The following TRPM3 variants were observed in gnomAD, a reference collection of about 807,000 sequenced individuals.
The protein encoded by TRPM3 is long transient receptor potential channel 3.
TRPM3 carries 77 observed loss-of-function variants against 181.2 expected under a neutral mutation model. The ratio of observed to expected loss-of-function variants is 0.42; its 90% CI spans 0.35 to 0.51. The LOEUF is 0.51. Among genes scored for constraint, TRPM3 ranks in the 20% least tolerant of loss-of-function variants. The probability of loss-of-function intolerance (pLI) is 0.01; values close to 1 mark genes in which losing one functional copy is unlikely to be tolerated. For synonymous variants in TRPM3, 745 were observed against 796.4 expected (o/e 0.94, Z 1.09); for missense variants, 1,759 against 2,196.7 (o/e 0.80, Z 3.98).
chr9:70,682,706 C>A (rs2065780011), intron 8 of TRPM3, among the ~76,000 whole-genome samples: 1 of 152,096 alleles, frequency 6.6e-6, no homozygotes, highest in Non-Finnish European at 1.5e-5. Flanking sequence ...CCAAACAATG[C>A]TTAACAATAA....
At chr9:70,549,118 C>T (rs1035294459) in intron 25 of TRPM3, among the ~76,000 whole-genome samples, 14 of 152,140 alleles carry the variant, frequency 9.2e-5, no homozygotes, top group African/African-American at 3.4e-4. Context: ...GTGTTGGGCA[C>T]CCATATAAGG....
rs80037412 is a variant in TRPM3 at position 70,557,449 on chromosome 9, A to G, written c.3224-4139T>C. On this transcript the variant is annotated intron_variant, in intron 22 of 25. Coordinates refer to ENST00000677713, the MANE Select transcript of TRPM3 (RefSeq NM_001366145.2). ...AGTTAATGCAAAATGTTGTTCTATAATGGTTTCTAATGATGTCCTTGTTCT... is the reference window on the plus strand; with the variant it reads ...AGTTAATGCAAAATGTTGTTCTATAGTGGTTTCTAATGATGTCCTTGTTCT... Among the ~76,000 whole-genome samples the G allele has an allele frequency of 1.7e-3, 252 of 152,344 alleles. 3 individuals are homozygous for G. Among genetic ancestry groups the G allele is most frequent in the African/African-American group, 5.9e-3 (244 of 41,582 alleles).
intron 1 of TRPM3, among the ~76,000 whole-genome samples, chr9:71,184,488 C>T (rs953184803): frequency 1.3e-5 from 2 of 152,148 alleles, no homozygotes; most frequent in African/African-American, 4.8e-5. Context: ...TATCAAAGCC[C>T]CAAAAATGGA....
intron 8 of TRPM3, among the ~76,000 whole-genome samples, chr9:70,684,133 G>A (rs1444082796): frequency 6.6e-6 from 1 of 152,152 alleles, no homozygotes; most frequent in Non-Finnish European, 1.5e-5. Context: ...TTCTTCCGAG[G>A]CAGCAAATAG....
intron 8 of TRPM3, among the ~76,000 whole-genome samples, chr9:70,752,031 TGTGTGTGTGTGTGTGTGTGC>T (rs1201719220): frequency 3.5e-4 from 40 of 115,204 alleles, no homozygotes; most frequent in African/African-American, 1.1e-3. Context: ...TGTGTGTGTG[TGTGTGTGTGTGTGTGTGTGC>T]GCGCGCGCGC....
chr9:70,545,610 G>A (rs1237491157), intron 25 of TRPM3, among the ~76,000 whole-genome samples: 4 of 132,284 alleles, frequency 3.0e-5, no homozygotes, highest in Non-Finnish European at 6.1e-5. Context: ...GCAGTGGTAC[G>A]ATCTCTGCTC....
intron 8 of TRPM3, among the ~76,000 whole-genome samples, chr9:70,684,434 G>A (rs2066249594): frequency 6.6e-6 from 1 of 152,134 alleles, no homozygotes; most frequent in African/African-American, 2.4e-5. Context: ...AGAGGAAAAG[G>A]GAGGACCAAG....
At chr9:71,316,666 T>C (rs2088624194) in intron 1 of TRPM3, among the ~76,000 whole-genome samples, 1 of 151,990 alleles carries the variant, frequency 6.6e-6, no homozygotes, top group African/African-American at 2.4e-5. Flanking sequence ...GGTAGAGAAA[T>C]GGATCCTCTC....
chr9:70,560,127 C>T (rs1393541989), intron 22 of TRPM3, among the ~76,000 whole-genome samples: 1 of 152,208 alleles, frequency 6.6e-6, no homozygotes, highest in African/African-American at 2.4e-5. Flanking sequence ...TGTGTTTCAT[C>T]TTCTTACCAG....
chr9:71,210,274 G>A (rs543104097), intron 1 of TRPM3, among the ~76,000 whole-genome samples: 2 of 152,118 alleles, frequency 1.3e-5, no homozygotes, highest in Admixed American at 6.5e-5. Flanking sequence ...CATCACCCCC[G>A]GATGGGGCTG....
At chr9:71,056,384 G>T (rs2060652887) in intron 1 of TRPM3, among the ~76,000 whole-genome samples, 1 of 151,928 alleles carries the variant, frequency 6.6e-6, no homozygotes, top group Non-Finnish European at 1.5e-5. Context: ...ATACACTGCA[G>T]AGATATGGAT....
intron 1 of TRPM3, among the ~76,000 whole-genome samples, chr9:71,131,454 G>C (rs773661451): frequency 6.6e-6 from 1 of 152,160 alleles, no homozygotes; most frequent in Non-Finnish European, 1.5e-5. Flanking sequence ...AATTTCTATA[G>C]GGCAATTGTC....
chr9:71,321,278 T>G (rs2089198686), intron 1 of TRPM3, among the ~76,000 whole-genome samples: 1 of 152,172 alleles, frequency 6.6e-6, no homozygotes, highest in South Asian at 2.1e-4. Context: ...GCCACTAAAC[T>G]AGACCCTAAC....
chr9:71,019,997 T>C (rs74506911), intron 1 of TRPM3, among the ~76,000 whole-genome samples: 12,826 of 152,214 alleles, frequency 0.084, 721 homozygotes, highest in Non-Finnish European at 0.13. Context: ...GGGAAAAATA[T>C]ATTTTGACTA....
intron 1 of TRPM3, among the ~76,000 whole-genome samples, chr9:71,057,506 C>T (rs912363074): frequency 2.6e-5 from 4 of 151,974 alleles, no homozygotes; most frequent in East Asian, 1.9e-4. Context: ...TATAGGTGTG[C>T]CATTGTGTTC....
intron 1 of TRPM3, among the ~76,000 whole-genome samples, chr9:71,023,422 G>A (rs1420550001): frequency 2.6e-5 from 4 of 152,156 alleles, no homozygotes; most frequent in East Asian, 1.9e-4. Flanking sequence ...AAAATAGTTT[G>A]TCAATGTCTC....
At chr9:70,834,760 C>T (rs950340307) in intron 5 of TRPM3, among the ~76,000 whole-genome samples, 6 of 152,172 alleles carry the variant, frequency 3.9e-5, no homozygotes, top group Admixed American at 6.5e-5. Flanking sequence ...GATGGTGCAG[C>T]CCCAACTGCC....
chr9:70,987,135 C>G (rs972201515), intron 1 of TRPM3, among the ~76,000 whole-genome samples: 3 of 151,952 alleles, frequency 2.0e-5, no homozygotes, highest in African/African-American at 7.3e-5. Flanking sequence ...CAGTGGAACT[C>G]TATCATATGT....
intron 1 of TRPM3, among the ~76,000 whole-genome samples, chr9:71,014,625 C>T (rs2097770030): frequency 6.6e-6 from 1 of 152,024 alleles, no homozygotes; most frequent in African/African-American, 2.4e-5. Flanking sequence ...CATTTGGGCC[C>T]TGAATTCTAT....
Sources: gnomAD v4.1 joint callset for allele counts (sites outside exome capture counted in the v4.1 genomes callset) on GRCh38, gnomAD v4.1.1 for gene constraint, MANE v1.5 for transcripts, NCBI Gene and HGNC (gene_info 2026-07-23, HGNC 2026-07-21) for gene names.